The following PCNX1 variants were observed in gnomAD, a reference collection of about 807,000 sequenced individuals.
PCNX1 encodes the protein pecanex-like protein 1.
Under a neutral mutation model 242.2 loss-of-function variants are expected in PCNX1, and 78 were observed. The observed-to-expected ratio is 0.32, with a 90% CI of 0.27 to 0.39. PCNX1 has a LOEUF of 0.39. Ranked by LOEUF, PCNX1 falls within the 10% of genes least tolerant of loss-of-function variation. PCNX1 has a pLI of 1.00. For missense variants in PCNX1, 2,581 were observed against 2,856.5 expected (o/e 0.90, Z 2.20); for synonymous variants, 1,024 against 1,032.9 (o/e 0.99, Z 0.17).
intron 8 of PCNX1, among the ~76,000 whole-genome samples, chr14:71,005,921 CTTT>C (rs372502839): frequency 7.4e-5 from 10 of 134,856 alleles, no homozygotes; most frequent in Admixed American, 7.5e-5. Flanking sequence ...GGTATCTTAA[CTTT>C]TTTTTTTTTT....
At chr14:70,944,564 G>C (rs1258548488) in intron 1 of PCNX1, among the ~76,000 whole-genome samples, 1 of 152,134 alleles carries the variant, frequency 6.6e-6, no homozygotes, top group Non-Finnish European at 1.5e-5. Context: ...TAAAACTTTG[G>C]GCTTGGACTT....
Position 70,977,962 on chromosome 14 carries a change from T to C in PCNX1, c.1625T>C (p.Val542Ala), listed in dbSNP as rs769877898. 6.2e-7 allele frequency: 1 copy of C among 1,614,150 alleles called. No homozygotes were observed. The highest frequency in any genetic ancestry group is 2.2e-5 in the East Asian group (1 of 44,880). ...GGTGGAAAGCAAAAGGAAGGGGATG[T>C]TCGACCTAAATCTTCTAGCGTAATC... ...DVGGKQKEGD[V>A]RPKSSSVIHR... Residue 542 changes from valine (V) to alanine (A), a missense_variant, in exon 6 of 36, where the codon GTT (valine) becomes GCT (alanine). Around this residue, in one of 9 missense-constraint regions of PCNX1, gnomAD observed 1,204 missense variants for 1,216.7 expected, o/e 0.99. Coordinates refer to ENST00000304743, the MANE Select transcript of PCNX1 (RefSeq NM_014982.3).
Position 70,947,110 on chromosome 14 carries a change from A to G in PCNX1, c.349A>G (p.Ser117Gly). 6.2e-7 allele frequency: 1 copy of G among 1,609,972 alleles called. No individual in the cohort carries two copies. The highest frequency in any genetic ancestry group is 1.1e-5 in the South Asian group (1 of 90,470). The change falls in exon 2 of 36, where the codon AGC becomes GGC. Residue 117 changes from serine to glycine, a missense_variant. Coordinates refer to ENST00000304743, the MANE Select transcript of PCNX1 (RefSeq NM_014982.3). The part of the protein sequence containing the change: ...QGNCSTRRKD[S>G]NGPSDPGGGI... ...CAACTGTTCAACCAGGAGAAAAGAC[A>G]GCAATGGACCGAGGTAAGGAAACCT...
intron 5 of PCNX1, among the ~76,000 whole-genome samples, chr14:70,970,371 C>CTCAG (rs1277446037): frequency 1.3e-5 from 2 of 152,046 alleles, no homozygotes; most frequent in Non-Finnish European, 2.9e-5. Flanking sequence ...TTCTCTCTCT[C>CTCAG]TCAGTCAATC....
chr14:70,936,810 T>G (rs1009111668), intron 1 of PCNX1, among the ~76,000 whole-genome samples: 1 of 152,230 alleles, frequency 6.6e-6, no homozygotes, highest in African/African-American at 2.4e-5. Context: ...CCTGACTTTT[T>G]AATGATCACC....
chr14:71,090,502 CA>C (rs1357370665), intron 30 of PCNX1, among the ~76,000 whole-genome samples: 1 of 152,070 alleles, frequency 6.6e-6, no homozygotes, highest in Non-Finnish European at 1.5e-5. Flanking sequence ...TAATAAAGGA[CA>C]CATTATTTGA....
intron 20 of PCNX1, among the ~76,000 whole-genome samples, chr14:71,046,031 C>CTT (rs1168327744): frequency 6.6e-6 from 1 of 151,994 alleles, no homozygotes; most frequent in African/African-American, 2.4e-5. Context: ...AATAAGCCAA[C>CTT]TTTTTTCTCA....
chr14:71,028,007 C>A (rs888584131), intron 15 of PCNX1, among the ~76,000 whole-genome samples: 1 of 151,758 alleles, frequency 6.6e-6, no homozygotes, highest in Non-Finnish European at 1.5e-5. Flanking sequence ...CTGTAGATTT[C>A]TTTTATTATT....
At chr14:71,103,993 C>G (rs1000210760) in intron 32 of PCNX1, among the ~76,000 whole-genome samples, 6 of 152,004 alleles carry the variant, frequency 3.9e-5, no homozygotes, top group Non-Finnish European at 5.9e-5. Context: ...TCTGTACAAA[C>G]GGGAAGTTAA....
chr14:70,927,335 T>G (rs146388798), intron 1 of PCNX1, among the ~76,000 whole-genome samples: 456 of 152,274 alleles, frequency 3.0e-3, no homozygotes, highest in African/African-American at 9.1e-3. Flanking sequence ...TTTTTTTCTG[T>G]TAGGCATCTT....
intron 1 of PCNX1, among the ~76,000 whole-genome samples, chr14:70,929,375 A>C (rs1396439115): frequency 1.3e-5 from 2 of 150,444 alleles, no homozygotes; most frequent in African/African-American, 4.9e-5. Context: ...AGAAGGAATT[A>C]TATTATCTGA....
rs75581900 is a variant in PCNX1 at position 71,018,067 on chromosome 14, C to T, written c.2997-942C>T. On this transcript the variant is annotated intron_variant, in intron 11 of 35. Coordinates refer to ENST00000304743, the MANE Select transcript of PCNX1 (RefSeq NM_014982.3). ...TGGAGAGAAGCATTATTAGTAATAT[C>T]ATTTTTGGTATATTGTCTTTTTTAA... Among the ~76,000 whole-genome samples the T allele has an allele frequency of 9.0e-3, 1,364 of 152,086 alleles. 10 individuals are homozygous for T. The highest frequency in any genetic ancestry group is 0.012 in the Non-Finnish European group (841 of 67,956).
chr14:70,982,591 T>G (rs1261979063), intron 6 of PCNX1, among the ~76,000 whole-genome samples: 1 of 152,170 alleles, frequency 6.6e-6, no homozygotes, highest in Non-Finnish European at 1.5e-5. Flanking sequence ...AGCTTAGACA[T>G]ATATAAAACT....
chr14:71,022,658 A>G (rs1169197970), intron 12 of PCNX1, among the ~76,000 whole-genome samples: 1 of 152,168 alleles, frequency 6.6e-6, no homozygotes, highest in Non-Finnish European at 1.5e-5. Context: ...TGGGAAGTTA[A>G]TAAAATCTCT....
chr14:71,080,797 A>C (rs1206736221), intron 28 of PCNX1, among the ~76,000 whole-genome samples: 1 of 152,212 alleles, frequency 6.6e-6, no homozygotes, highest in Non-Finnish European at 1.5e-5. Context: ...CTAAATATAC[A>C]GTCATGTCAT....
In PCNX1 at chr14:71,094,775, CAG is replaced by C. The variant is rs888802884; in HGVS notation, c.5589+5435_5589+5436del. On this transcript the variant is annotated intron_variant, in intron 30 of 35. Coordinates refer to ENST00000304743, the MANE Select transcript of PCNX1 (RefSeq NM_014982.3). ...GGACTGCATCTCTGCGAAAAAGAAA[CAG>C]AAATATTAGCCAGGCAAGGTATCGC... 1.6e-4 allele frequency among the ~76,000 whole-genome samples: 25 copies of C among 152,212 alleles called. No homozygotes were observed. The East Asian group carries it at 3.3e-3, about 20-fold the overall frequency.
At position 70,958,812 on chromosome 14, in the gene PCNX1, C is replaced by T. The variant is rs2058086013; in HGVS notation, c.363-3414C>T. 4.0e-5 allele frequency among the ~76,000 whole-genome samples: 6 copies of T among 151,532 alleles called. No homozygotes were observed. The South Asian group carries it at 1.2e-3, about 32-fold the overall frequency. On this transcript the variant is annotated intron_variant, in intron 2 of 35. Transcript: ENST00000304743. ...GCTGATGACTGGACAGTAGAGCCCA[C>T]CCCTAAACCTGAGGGTGGGGTCAAC...
chr14:70,907,727 G>T lies in PCNX1; in HGVS notation c.-124G>T. The T allele has an allele frequency of 1.8e-6, 2 of 1,121,380 alleles. No homozygotes were observed. The highest frequency in any genetic ancestry group is 2.2e-6 in the Non-Finnish European group (2 of 906,624). 69.5% of individuals were successfully genotyped at this position (1,121,380 alleles called of 1,614,324 possible). A position where few individuals can be genotyped will look rare whatever the true frequency, so the allele number is the denominator to read the frequency against. The stretch of plus-strand genomic sequence containing the variant: ...CCAGCGACCGCCGAAGCGCCGGCTC[G>T]CTCACCCGGAGCTCCGGAGGTGGAT... On this transcript the variant is annotated 5_prime_UTR_variant, in exon 1 of 36. Transcript: ENST00000304743.
chr14:70,995,505 A>C lies in PCNX1; in HGVS notation c.2445-236A>C, dbSNP rs112342664. ...GGTGGAAAAAAGTCGCAGATTGACC[A>C]ATTTACATGTACATTTAATGTTGAC... On this transcript the variant is annotated intron_variant, in intron 7 of 35. Transcript: ENST00000304743. Among the ~76,000 whole-genome samples, 390 of 152,270 alleles carry C rather than the reference A, an allele frequency of 2.6e-3. 1 individual carries two copies. The highest frequency in any genetic ancestry group is 9.2e-3 in the African/African-American group (382 of 41,542).
Sources: allele counts gnomAD v4.1 joint callset (sites outside exome capture counted in the v4.1 genomes callset), GRCh38; gene constraint gnomAD v4.1.1; regional missense constraint gnomAD v4.1.1; transcripts MANE v1.5; gene names NCBI Gene and HGNC (gene_info 2026-07-23, HGNC 2026-07-21).